Variants in NCK2 observed in about 807,000 individuals in gnomAD.
NCK2 encodes NCK adaptor protein 2, also known as cytoplasmic protein NCK2.
A neutral mutation model predicts 33.9 loss-of-function variants in NCK2; 16 were observed. The observed-to-expected ratio is 0.47, with a 90% CI of 0.32 to 0.72. NCK2 has a LOEUF of 0.72. Ranked by LOEUF, NCK2 falls within the 30% of genes least tolerant of loss-of-function variation. NCK2 has a pLI of 0.03. For synonymous variants in NCK2, 273 were observed against 239.9 expected, an observed-to-expected ratio of 1.14 and a Z score of -1.27; for missense variants, 418 against 537.3, an observed-to-expected ratio of 0.78 and a Z score of 2.19.
chr2:105,783,362 C>T (rs1025671943), intron 1 of NCK2, among the ~76,000 whole-genome samples: 2 of 152,164 alleles, frequency 1.3e-5, no homozygotes, highest in Admixed American at 6.5e-5. Context: ...CTTCCTTCCT[C>T]GGAGTGAGGC....
intron 1 of NCK2, chr2:105,745,782 A>T (rs1467551984): frequency 6.6e-6 from 1 of 151,900 alleles, no homozygotes; most frequent in Non-Finnish European, 1.5e-5. Flanking sequence ...GATTTACAGG[A>T]CTCTAACAGC....
chr2:105,773,360 C>G (rs1218719131), intron 1 of NCK2, among the ~76,000 whole-genome samples: 1 of 152,108 alleles, frequency 6.6e-6, no homozygotes, highest in Non-Finnish European at 1.5e-5. Flanking sequence ...TTCTCGCCGT[C>G]TGGTACACGT....
At chr2:105,752,052 G>A (rs1689470392) in intron 1 of NCK2, among the ~76,000 whole-genome samples, 1 of 152,148 alleles carries the variant, frequency 6.6e-6, no homozygotes, top group Non-Finnish European at 1.5e-5. Flanking sequence ...TTATTTGCGT[G>A]AGGGCTTTGA....
chr2:105,844,375 A>G (rs1676768122), intron 2 of NCK2, among the ~76,000 whole-genome samples: 1 of 152,162 alleles, frequency 6.6e-6, no homozygotes, highest in South Asian at 2.1e-4. Context: ...TAATTGTAAC[A>G]TGCTTATCAT....
At chr2:105,854,507 T>C (rs571241315) in intron 2 of NCK2, 1 of 152,906 alleles carries the variant, frequency 6.5e-6, no homozygotes, top group African/African-American at 2.4e-5. Context: ...TGACAATTAT[T>C]TATTGTTATT....
In NCK2 at chr2:105,870,948, G is replaced by A. The variant is rs568893231; in HGVS notation, c.227-10380G>A. ...CACATCGTAGGATCTTGGTGGAAGG[G>A]AAGGAGGAAGAAATAGCTGCAGAGC... On this transcript the variant is annotated intron_variant, in intron 3 of 4. Coordinates refer to ENST00000233154, the MANE Select transcript of NCK2 (RefSeq NM_003581.5). Among the ~76,000 whole-genome samples, 8 of 152,058 alleles carry A rather than the reference G, an allele frequency of 5.3e-5. No homozygotes were observed. The South Asian group carries it at 1.7e-3, about 32-fold the overall frequency.
upstream of NCK2, among the ~76,000 whole-genome samples, chr2:105,744,503 G>A (rs1182860342): frequency 2.0e-5 from 3 of 152,138 alleles, no homozygotes; most frequent in Admixed American, 6.5e-5. Context: ...AAGCCCACCC[G>A]GCAGTCATCC....
At chr2:105,761,312 A>C (rs1408205350) in intron 1 of NCK2, among the ~76,000 whole-genome samples, 1 of 152,058 alleles carries the variant, frequency 6.6e-6, no homozygotes, top group East Asian at 1.9e-4. Context: ...ACTTCCAGAG[A>C]ATCTTTTTTT....
At chr2:105,805,574 G>A (rs562767056) in intron 1 of NCK2, among the ~76,000 whole-genome samples, 7 of 151,832 alleles carry the variant, frequency 4.6e-5, no homozygotes, top group African/African-American at 1.7e-4. Context: ...CCAAAATTTT[G>A]TACCCATCCA....
chr2:105,768,080 C>T (rs1180463400), intron 1 of NCK2, among the ~76,000 whole-genome samples: 3 of 152,178 alleles, frequency 2.0e-5, no homozygotes, highest in Non-Finnish European at 4.4e-5. Context: ...GTAACTTCAC[C>T]TCTCCCAGTA....
intron 2 of NCK2, among the ~76,000 whole-genome samples, chr2:105,828,276 A>G (rs1478486373): frequency 7.9e-5 from 12 of 152,312 alleles, no homozygotes; most frequent in Admixed American, 7.2e-4. Context: ...AAGATTGCTG[A>G]AAATGTTTTT....
chr2:105,839,773 CAA>C (rs1676566922), intron 2 of NCK2, among the ~76,000 whole-genome samples: 1 of 152,178 alleles, frequency 6.6e-6, no homozygotes, highest in Non-Finnish European at 1.5e-5. Flanking sequence ...GGATGACACT[CAA>C]AGCCAAGAGG....
At chr2:105,786,093 CA>C (rs1330201059) in intron 1 of NCK2, among the ~76,000 whole-genome samples, 1 of 152,192 alleles carries the variant, frequency 6.6e-6, no homozygotes, top group African/African-American at 2.4e-5. Flanking sequence ...ATCTCTCTAT[CA>C]GTTAATTAAT....
chr2:105,879,330 A>G (rs1678368940), intron 3 of NCK2, among the ~76,000 whole-genome samples: 2 of 152,222 alleles, frequency 1.3e-5, no homozygotes, highest in African/African-American at 4.8e-5. Context: ...TTCGGGCACC[A>G]CTGCCTTCTG....
intron 1 of NCK2, among the ~76,000 whole-genome samples, chr2:105,749,962 G>A (rs1689400700): frequency 6.6e-6 from 1 of 151,700 alleles, no homozygotes; most frequent in Admixed American, 6.6e-5. Flanking sequence ...CCCAGGAGGC[G>A]GAGGTTGCAG....
chr2:105,826,087 A>G (rs1405684456), intron 2 of NCK2, among the ~76,000 whole-genome samples: 1 of 152,218 alleles, frequency 6.6e-6, no homozygotes, highest in Non-Finnish European at 1.5e-5. Context: ...TGGGTTATTT[A>G]TACAGGAAAG....
chr2:105,786,931 A>G (rs1317876452), intron 1 of NCK2, among the ~76,000 whole-genome samples: 1 of 152,228 alleles, frequency 6.6e-6, no homozygotes, highest in Admixed American at 6.5e-5. Context: ...AGCACCGTCC[A>G]GACTCGAAGC....
intron 2 of NCK2, among the ~76,000 whole-genome samples, chr2:105,819,251 G>T (rs1675630832): frequency 6.6e-6 from 1 of 151,588 alleles, no homozygotes; most frequent in African/African-American, 2.4e-5. Context: ...CACCATCGGG[G>T]TGTTCCTGTT....
chr2:105,790,285 CG>C (rs1482013841), intron 1 of NCK2, among the ~76,000 whole-genome samples: 1 of 152,238 alleles, frequency 6.6e-6, no homozygotes, highest in East Asian at 1.9e-4. Context: ...CTGCAGCTCT[CG>C]TCATTGCCCA....
Sources: gnomAD v4.1 joint callset for allele counts (sites outside exome capture counted in the v4.1 genomes callset) on GRCh38, gnomAD v4.1.1 for gene constraint, MANE v1.5 for transcripts, NCBI Gene and HGNC (gene_info 2026-07-23, HGNC 2026-07-21) for gene names.